The following CPNE1 variants were observed in gnomAD, a reference collection of about 807,000 sequenced individuals.
CPNE1 encodes the protein copine 1.
In CPNE1, 58 loss-of-function variants were observed where a neutral mutation model predicts 63.2. The ratio of observed to expected loss-of-function variants is 0.92; its 90% CI spans 0.74 to 1.14. CPNE1 has a LOEUF of 1.14. Among genes scored for constraint, CPNE1 ranks in the 50% most tolerant of loss-of-function variants. The pLI is 0.00. For synonymous variants in CPNE1, 237 were observed against 249.0 expected (o/e 0.95, Z 0.45); for missense variants, 672 against 661.7 (o/e 1.02, Z -0.17).
intron 11 of CPNE1, 28 bp downstream of exon 11, chr20:35,630,873 G>C: frequency 6.2e-7 from 1 of 1,603,104 alleles, no homozygotes; most frequent in South Asian, 1.1e-5. Flanking sequence ...GCAGGGAGCG[G>C]GTATAGCCCA....
chr20:35,627,379 G>C lies in CPNE1; in HGVS notation c.1137C>G (p.Ala379=). Reference sequence around the variant, plus strand: ...GGCCATAGAGGCGAACTTGGGGCAGGGCTTGGCGGTAGGCATCCACAATGC... The same window carrying C: ...GGCCATAGAGGCGAACTTGGGGCAGCGCTTGGCGGTAGGCATCCACAATGC... The part of the protein sequence containing the change: ...IQGIVDAYRQ[A]LPQVRLYGPT... Residue 379 remains alanine (A), a synonymous_variant, in exon 14 of 16, where the codon GCC becomes GCG. Transcript: ENST00000397443. 6.2e-7 allele frequency: 1 copy of C among 1,614,052 alleles called. No individual in the cohort carries two copies. Among genetic ancestry groups the C allele is most frequent in the Non-Finnish European group, 8.5e-7 (1 of 1,180,016 alleles).
In CPNE1 at chr20:35,630,858, C is replaced by T. The variant is rs1434203383; in HGVS notation, c.995+43G>A. The T allele has an allele frequency of 1.9e-6, 3 of 1,603,488 alleles. No individual in the cohort carries two copies. The East Asian group carries it at 6.7e-5, about 36-fold the overall frequency. The stretch of plus-strand genomic sequence containing the variant: ...GGGACTGTAAGCTCAGAGGCTGAAG[C>T]ATCTGCAGGGAGCGGGTATAGCCCA... On this transcript the variant is annotated intron_variant, in intron 11 of 15. Transcript: ENST00000397443.
intron 1 of CPNE1, chr20:35,652,758 C>T (rs779846216): frequency 1.7e-5 from 27 of 1,612,692 alleles, no homozygotes; most frequent in South Asian, 5.5e-5. Context: ...TAATTACTGT[C>T]GGTCCTGGTT....
At chr20:35,655,379 TCCTGTTTATCACA>T (rs750923075) in intron 1 of CPNE1, 5 of 1,504,306 alleles carry the variant, frequency 3.3e-6, no homozygotes, top group Non-Finnish European at 3.6e-6. Flanking sequence ...CAGGTCAGAC[TCCTGTTTATCACA>T]CCAAGTTTTT....
At chr20:35,654,368 C>A in intron 1 of CPNE1, 1 of 1,614,216 alleles carries the variant, frequency 6.2e-7, no homozygotes, top group Non-Finnish European at 8.5e-7. Context: ...TCTCTGACAT[C>A]ATTTTCCATT....
intron 1 of CPNE1, chr20:35,654,732 T>G: frequency 1.2e-6 from 2 of 1,613,734 alleles, no homozygotes; most frequent in Non-Finnish European, 1.7e-6. Context: ...GTGGCAGAGA[T>G]GGCATCGCTG....
intron 1 of CPNE1, among the ~76,000 whole-genome samples, chr20:35,662,156 C>T (rs1321112124): frequency 6.6e-6 from 1 of 152,128 alleles, no homozygotes; most frequent in East Asian, 1.9e-4. Flanking sequence ...CATTAACCTC[C>T]ATTCCGTACT....
chr20:35,640,256 T>C (rs1374863502), intron 1 of CPNE1, among the ~76,000 whole-genome samples: 8 of 152,220 alleles, frequency 5.3e-5, no homozygotes, highest in Non-Finnish European at 1.2e-4. Context: ...CCTCTAAGCC[T>C]ATCTCTGCTT....
intron 1 of CPNE1, chr20:35,655,027 G>T (rs199582639): frequency 7.4e-5 from 120 of 1,613,982 alleles, no homozygotes; most frequent in Non-Finnish European, 9.6e-5. Context: ...GGCATTTGCT[G>T]GTGGTATATC....
At chr20:35,639,472 G>A (rs909512249) in intron 1 of CPNE1, among the ~76,000 whole-genome samples, 3 of 152,138 alleles carry the variant, frequency 2.0e-5, no homozygotes, top group African/African-American at 7.2e-5. Context: ...GAGTAGCTGG[G>A]ATTACAGGCA....
Position 35,654,503 on chromosome 20 carries a change from G to T in CPNE1, c.-1+10257C>A, listed in dbSNP as rs866809243. ...GGATTCAACGGACCAAGAAACATAG[G>T]ATTCAGATTATTGTTCAAATTCATA... On this transcript the variant is annotated intron_variant, in intron 1 of 15. Transcript: ENST00000397443. The T allele has an allele frequency of 3.7e-6, 6 of 1,614,190 alleles. No individual in the cohort carries two copies. The East Asian group carries it at 1.3e-4, about 36-fold the overall frequency.
At chr20:35,657,551 CT>C (rs2033971454) in intron 1 of CPNE1, among the ~76,000 whole-genome samples, 1 of 152,040 alleles carries the variant, frequency 6.6e-6, no homozygotes, top group African/African-American at 2.4e-5. Flanking sequence ...AAACACAGGG[CT>C]AAAGTGACAT....
rs540101512 is a variant in CPNE1 at position 35,631,880 on chromosome 20, T to A, written c.537+65A>T. 13 of 1,564,074 alleles carry A rather than the reference T, an allele frequency of 8.3e-6. 1 individual carries two copies. The South Asian group carries it at 1.3e-4, about 16-fold the overall frequency. On this transcript the variant is annotated intron_variant, in intron 6 of 15. Coordinates refer to ENST00000397443, the MANE Select transcript of CPNE1 (RefSeq NM_152925.3). ...CAGTCTCTTTCTGAGTTCCAAACCTTGCTAGTCACAGGCCCCAGGAGATTA... is the reference window on the plus strand; with the variant it reads ...CAGTCTCTTTCTGAGTTCCAAACCTAGCTAGTCACAGGCCCCAGGAGATTA...
At chr20:35,628,007 C>T (rs1029843081) in intron 13 of CPNE1, among the ~76,000 whole-genome samples, 2 of 151,930 alleles carry the variant, frequency 1.3e-5, no homozygotes, top group South Asian at 2.1e-4. Context: ...TAAGGCCGGG[C>T]GCAGTGGCTC....
chr20:35,647,493 T>C (rs1023858405), intron 1 of CPNE1: 2 of 151,918 alleles, frequency 1.3e-5, no homozygotes, highest in Admixed American at 6.6e-5. Context: ...AGGGATTTGG[T>C]TGTGATTTTT....
intron 1 of CPNE1, among the ~76,000 whole-genome samples, chr20:35,645,441 G>A (rs1008121769): frequency 6.6e-6 from 1 of 152,182 alleles, no homozygotes; most frequent in East Asian, 1.9e-4. Context: ...CCGTGGTATA[G>A]GAATGTACCT....
chr20:35,647,114 C>A (rs1044130474), intron 1 of CPNE1, among the ~76,000 whole-genome samples: 8 of 151,620 alleles, frequency 5.3e-5, no homozygotes, highest in African/African-American at 1.9e-4. Flanking sequence ...AGTTCGAGAC[C>A]AGCCTGGCCA....
chr20:35,656,033 A>G (rs1284315570), intron 1 of CPNE1, among the ~76,000 whole-genome samples: 1 of 152,220 alleles, frequency 6.6e-6, no homozygotes, highest in Non-Finnish European at 1.5e-5. Context: ...TAAGAAGCCA[A>G]AAGAACTACT....
Position 35,636,526 on chromosome 20 carries a change from G to A in CPNE1, c.1-3603C>T, listed in dbSNP as rs149050210. Among the ~76,000 whole-genome samples the A allele has an allele frequency of 5.9e-3, 899 of 152,258 alleles. 3 individuals carry two copies. Among genetic ancestry groups the A allele is most frequent in the Admixed American group, 0.012 (181 of 15,288 alleles). On this transcript the variant is annotated intron_variant, in intron 1 of 15. Coordinates refer to ENST00000397443, the MANE Select transcript of CPNE1 (RefSeq NM_152925.3). ...TGAAAAAATCAAAAATAGGCCGGGCGCAGTGGCTCACTGTTGTAATCCCAG... is the reference window on the plus strand; with the variant it reads ...TGAAAAAATCAAAAATAGGCCGGGCACAGTGGCTCACTGTTGTAATCCCAG...
Sources: allele counts gnomAD v4.1 joint callset (sites outside exome capture counted in the v4.1 genomes callset), GRCh38; gene constraint gnomAD v4.1.1; transcripts MANE v1.5; gene names NCBI Gene and HGNC (gene_info 2026-07-23, HGNC 2026-07-21).